The following NCKAP5 variants were observed in gnomAD, a reference collection of about 807,000 sequenced individuals.
NCKAP5 encodes NCK associated protein 5.
Under a neutral mutation model 167.0 loss-of-function variants are expected in NCKAP5, and 92 were observed. That is an observed-to-expected ratio of 0.55 (90% CI 0.47 to 0.66). The LOEUF is 0.66. Ranked by LOEUF, NCKAP5 falls within the 30% of genes least tolerant of loss-of-function variation. NCKAP5 has a pLI of 0.00. For missense variants in NCKAP5, 2,378 were observed against 2,315.0 expected (o/e 1.03, Z -0.56); for synonymous variants, 891 against 877.4 (o/e 1.02, Z -0.27).
intron 3 of NCKAP5, among the ~76,000 whole-genome samples, chr2:133,365,863 C>T (rs1036802838): frequency 6.6e-6 from 1 of 152,144 alleles, no homozygotes; most frequent in Admixed American, 6.5e-5. Flanking sequence ...GTCCACTGTA[C>T]AATTCAGTCC....
intron 5 of NCKAP5, among the ~76,000 whole-genome samples, chr2:133,135,479 A>G (rs2082757263): frequency 6.6e-6 from 1 of 152,180 alleles, no homozygotes; most frequent in African/African-American, 2.4e-5. Flanking sequence ...GGGTAAAATG[A>G]TGACTCATTA....
At chr2:132,974,013 C>A (rs1480120517) in intron 7 of NCKAP5, among the ~76,000 whole-genome samples, 1 of 152,176 alleles carries the variant, frequency 6.6e-6, no homozygotes. Flanking sequence ...GGACACAAAG[C>A]ATCCATGTAG....
At chr2:132,790,894 G>C (rs13432373) in intron 12 of NCKAP5, among the ~76,000 whole-genome samples, 2,443 of 152,244 alleles carry the variant, frequency 0.016, 60 homozygotes, top group African/African-American at 0.056. Flanking sequence ...CACAAGGGTG[G>C]TCTTATTTTA....
At chr2:133,560,185 A>AAACATG (rs1162770756) in intron 1 of NCKAP5, among the ~76,000 whole-genome samples, 1 of 152,238 alleles carries the variant, frequency 6.6e-6, no homozygotes, top group Non-Finnish European at 1.5e-5. Flanking sequence ...GATGAGGTAT[A>AAACATG]AACATGAATA....
At chr2:132,727,490 A>C (rs1328152022) in intron 18 of NCKAP5, among the ~76,000 whole-genome samples, 1 of 152,178 alleles carries the variant, frequency 6.6e-6, no homozygotes, top group Non-Finnish European at 1.5e-5. Context: ...AAATGTGTAC[A>C]CCTTACTCCG....
At chr2:133,155,876 A>G (rs2083559269) in intron 5 of NCKAP5, among the ~76,000 whole-genome samples, 1 of 152,212 alleles carries the variant, frequency 6.6e-6, no homozygotes. Flanking sequence ...CAATCATGTG[A>G]GCCAAAATAA....
chr2:132,714,241 A>G (rs528838231), intron 19 of NCKAP5, among the ~76,000 whole-genome samples: 19 of 152,292 alleles, frequency 1.2e-4, no homozygotes, highest in Admixed American at 2.0e-4. Context: ...AGGGAAGTTT[A>G]CCTTTCTGGG....
At chr2:132,898,796 T>C (rs1271222419) in intron 8 of NCKAP5, among the ~76,000 whole-genome samples, 2 of 152,252 alleles carry the variant, frequency 1.3e-5, no homozygotes, top group African/African-American at 2.4e-5. Context: ...TAAAATATTC[T>C]GTGAACCATG....
rs59649037 is a variant in NCKAP5, at chr2:132,949,719, C to T, written c.579+14001G>A. ...TATATTTAAAAACATGGCTCCCAAACCATGTGTCGCTAAAAAAAAAGTCCA... is the reference window on the plus strand; with the variant it reads ...TATATTTAAAAACATGGCTCCCAAATCATGTGTCGCTAAAAAAAAAGTCCA... On this transcript the variant is annotated intron_variant, in intron 8 of 19. Coordinates refer to ENST00000409261, the MANE Select transcript of NCKAP5 (RefSeq NM_207363.3). Among the ~76,000 whole-genome samples the T allele has an allele frequency of 3.5e-4, 53 of 152,294 alleles. 1 individual carries two copies. In the East Asian group the frequency reaches 0.01, roughly 29 times the overall value.
chr2:133,595,026 T>C, the NCKAP5 span, among the ~76,000 whole-genome samples: 1 of 152,150 alleles, frequency 6.6e-6, no homozygotes, highest in African/African-American at 2.4e-5. Flanking sequence ...GAATTCAAGA[T>C]GTGAAAGAAA....
chr2:132,693,582 A>G (rs1687006961), intron 19 of NCKAP5, among the ~76,000 whole-genome samples: 1 of 137,058 alleles, frequency 7.3e-6, no homozygotes. Context: ...TCTAGGCTCC[A>G]GAAATGTGAA....
chr2:133,069,841 A>G (rs2080327369), intron 6 of NCKAP5, among the ~76,000 whole-genome samples: 1 of 151,874 alleles, frequency 6.6e-6, no homozygotes, highest in African/African-American at 2.4e-5. Context: ...ATTATAGATA[A>G]TATTTATAAA....
intron 3 of NCKAP5, among the ~76,000 whole-genome samples, chr2:133,513,928 CT>C (rs1217797750): frequency 6.6e-6 from 1 of 152,220 alleles, no homozygotes; most frequent in East Asian, 1.9e-4. Context: ...CAGCTAAATA[CT>C]ACCACAGCTA....
intron 5 of NCKAP5, among the ~76,000 whole-genome samples, chr2:133,145,727 C>T (rs982721941): frequency 6.6e-6 from 1 of 152,038 alleles, no homozygotes; most frequent in Non-Finnish European, 1.5e-5. Flanking sequence ...GTCTGTTACA[C>T]ATTGATTGCT....
Position 132,738,997 on chromosome 2 carries a change from C to T in NCKAP5, c.5129-6946G>A, listed in dbSNP as rs116709195. Among the ~76,000 whole-genome samples the T allele has an allele frequency of 2.7e-3, 407 of 152,232 alleles. 1 individual carries two copies. The highest frequency in any genetic ancestry group is 3.6e-3 in the African/African-American group (149 of 41,524). ...CATGAGATTTGGAGGTGACAAATAT[C>T]CAAACTATATAAACTATGCTTCTTC... On this transcript the variant is annotated intron_variant, in intron 16 of 19. Coordinates refer to ENST00000409261, the MANE Select transcript of NCKAP5 (RefSeq NM_207363.3).
chr2:133,132,183 G>A (rs1238173050), intron 5 of NCKAP5, among the ~76,000 whole-genome samples: 1 of 151,778 alleles, frequency 6.6e-6, no homozygotes, highest in East Asian at 1.9e-4. Flanking sequence ...AGCTACTCGG[G>A]AGGCTGAGGC....
In NCKAP5 at chr2:133,339,281, AC is replaced by A. The variant is rs532357311; in HGVS notation, c.70-36172del. ...CTAGAAATAATGAGAAGTTTATGGA[AC>A]TTTTTCTCTTTTGATCTTTAAAAAG... On this transcript the variant is annotated intron_variant, in intron 3 of 19. Coordinates refer to ENST00000409261, the MANE Select transcript of NCKAP5 (RefSeq NM_207363.3). Among the ~76,000 whole-genome samples, 13 of 152,262 alleles carry A rather than the reference AC, an allele frequency of 8.5e-5. No individual in the cohort carries two copies. The South Asian group carries it at 2.7e-3, about 32-fold the overall frequency.
At chr2:133,044,799 T>C (rs1296186435) in intron 6 of NCKAP5, among the ~76,000 whole-genome samples, 2 of 152,112 alleles carry the variant, frequency 1.3e-5, no homozygotes, top group Non-Finnish European at 2.9e-5. Context: ...ACCAGGCATG[T>C]TGGCACATGC....
intron 3 of NCKAP5, among the ~76,000 whole-genome samples, chr2:133,376,940 G>A (rs959582599): frequency 1.3e-5 from 2 of 152,160 alleles, no homozygotes; most frequent in Admixed American, 6.5e-5. Flanking sequence ...TTACAGCTCT[G>A]TAGAGAGGCC....
Sources: allele counts gnomAD v4.1 joint callset (sites outside exome capture counted in the v4.1 genomes callset), GRCh38; gene constraint gnomAD v4.1.1; transcripts MANE v1.5; gene names NCBI Gene and HGNC (gene_info 2026-07-23, HGNC 2026-07-21).